TDP1: variants seen among roughly 807,000 people sequenced by gnomAD.
TDP1 encodes the protein tyrosyl-DNA phosphodiesterase 1.
Under a neutral mutation model 81.5 loss-of-function variants are expected in TDP1, and 64 were observed. The observed-to-expected ratio is 0.79, with a 90% CI of 0.64 to 0.97. The LOEUF is 0.97. TDP1 is among the 50% of genes least tolerant of loss of function. TDP1 has a pLI of 0.00. For synonymous variants in TDP1, 256 were observed against 264.3 expected (o/e 0.97, Z 0.30); for missense variants, 723 against 743.8 (o/e 0.97, Z 0.33).
chr14:90,024,855 C>A (rs747858214), intron 15 of TDP1, among the ~76,000 whole-genome samples: 5 of 152,142 alleles, frequency 3.3e-5, no homozygotes, highest in African/African-American at 1.2e-4. Context: ...TGTTCAGTAC[C>A]AGCAAGACAT....
At chr14:89,974,013 A>C (rs1343020825) in intron 6 of TDP1, among the ~76,000 whole-genome samples, 1 of 152,118 alleles carries the variant, frequency 6.6e-6, no homozygotes, top group East Asian at 1.9e-4. Context: ...GACCTCATTT[A>C]ACCTTAATTA....
At chr14:90,042,561 A>AG in intron 16 of TDP1, among the ~76,000 whole-genome samples, 1 of 152,196 alleles carries the variant, frequency 6.6e-6, no homozygotes, top group Non-Finnish European at 1.5e-5. Flanking sequence ...TTATAAAGGA[A>AG]AGAGGTTTAA....
intron 5 of TDP1, among the ~76,000 whole-genome samples, chr14:89,967,780 G>A (rs762557985): frequency 2.6e-5 from 4 of 152,226 alleles, no homozygotes; most frequent in South Asian, 2.1e-4. Flanking sequence ...CATGCTTTCC[G>A]TAGCACATCA....
At chr14:90,007,458 T>C (rs2140206652) in intron 14 of TDP1, among the ~76,000 whole-genome samples, 1 of 151,966 alleles carries the variant, frequency 6.6e-6, no homozygotes, top group South Asian at 2.1e-4. Context: ...GCATGGTAGC[T>C]CACACCTGTA....
rs757306104 is a variant in TDP1 at position 89,975,835 on chromosome 14, T to C, written c.791+20T>C. The C allele has an allele frequency of 1.2e-6, 2 of 1,600,978 alleles. No individual in the cohort carries two copies. Among genetic ancestry groups the C allele is most frequent in the Admixed American group, 3.3e-5 (2 of 60,008 alleles). On this transcript the variant is annotated intron_variant, in intron 7 of 16. Coordinates refer to ENST00000335725, the MANE Select transcript of TDP1 (RefSeq NM_018319.4). The stretch of plus-strand genomic sequence containing the variant: ...CCACACGTAAGCACTTTTTGTGAAA[T>C]AGGGGAACCCCTCAAGCATTGTCAT...
Position 89,994,921 on chromosome 14 carries a change from A to C in TDP1, c.1541+1438A>C, listed in dbSNP as rs34399210. ...TCTGAGTGATTCCATGAGGCTATGTAAAAGGAAACACAGGTTCAGATACCT... is the reference window on the plus strand; with the variant it reads ...TCTGAGTGATTCCATGAGGCTATGTCAAAGGAAACACAGGTTCAGATACCT... On this transcript the variant is annotated intron_variant, in intron 14 of 16. Coordinates refer to ENST00000335725, the MANE Select transcript of TDP1 (RefSeq NM_018319.4). Among the ~76,000 whole-genome samples the C allele has an allele frequency of 1.1e-3, 163 of 152,368 alleles. 1 individual carries two copies. Among genetic ancestry groups the C allele is most frequent in the African/African-American group, 3.8e-3 (157 of 41,598 alleles).
chr14:89,961,458 G>A (rs1024858190), intron 2 of TDP1, among the ~76,000 whole-genome samples: 6 of 152,354 alleles, frequency 3.9e-5, no homozygotes, highest in Non-Finnish European at 7.3e-5. Flanking sequence ...GAACCTTGTG[G>A]AAGGTAGAAC....
chr14:90,037,499 A>C (rs983638694), intron 16 of TDP1, among the ~76,000 whole-genome samples: 1 of 152,204 alleles, frequency 6.6e-6, no homozygotes, highest in Admixed American at 6.5e-5. Flanking sequence ...ATGAGTACTT[A>C]TATAGTATTT....
rs1414321642 is a variant in TDP1 at position 89,989,737 on chromosome 14, T to C, written c.1338T>C (p.Asn446=). Residue 446 remains asparagine (N), a synonymous_variant, in exon 12 of 17, where the codon AAT becomes AAC. Transcript: ENST00000335725. The part of the protein sequence containing the change: ...PLYLIYPSVE[N]VRTSLEGYPA... ...TTTAGATCTATCCTTCTGTGGAAAATGTGCGGACCAGTTTAGAAGGATATC... is the reference window on the plus strand; with the variant it reads ...TTTAGATCTATCCTTCTGTGGAAAACGTGCGGACCAGTTTAGAAGGATATC... 1 of 1,611,740 alleles carries C rather than the reference T, an allele frequency of 6.2e-7. No individual in the cohort carries two copies. The highest frequency in any genetic ancestry group is 1.1e-5 in the South Asian group (1 of 91,024).
chr14:90,000,640 C>T (rs996094129), intron 14 of TDP1, among the ~76,000 whole-genome samples: 6 of 152,138 alleles, frequency 3.9e-5, no homozygotes, highest in Non-Finnish European at 8.8e-5. Context: ...CCACCTCGGC[C>T]CCCCAAAGTG....
rs186356184 is a variant in TDP1, at chr14:90,022,760, G to A, written c.1644+3342G>A. 2.2e-4 allele frequency: 214 copies of A among 985,408 alleles called. 1 individual carries two copies. In the African/African-American group the frequency reaches 3.5e-3, roughly 16 times the overall value. The allele number at this position is 985,408 out of a possible 1,614,324, so 61.0% of individuals were successfully genotyped here. On this transcript the variant is annotated intron_variant, in intron 15 of 16. Transcript: ENST00000335725. The stretch of plus-strand genomic sequence containing the variant: ...GCTTCTGGAAAAAAAGTAGACCTTT[G>A]CTTGGCCTTCACAAAATTAACATTG...
chr14:90,038,012 G>A (rs34274169), intron 16 of TDP1, among the ~76,000 whole-genome samples: 14,973 of 152,008 alleles, frequency 0.099, 1,690 homozygotes, highest in African/African-American at 0.27. Context: ...AATTAGACCC[G>A]GGTTATGTAC....
At position 89,964,859 on chromosome 14, in the gene TDP1, T is replaced by C. The variant is rs184131123; in HGVS notation, c.559+1186T>C. 5 of 449,110 alleles carry C rather than the reference T, an allele frequency of 1.1e-5. No homozygotes were observed. In the East Asian group the frequency reaches 2.9e-4, roughly 26 times the overall value. 27.8% of individuals were successfully genotyped at this position (449,110 alleles called of 1,614,324 possible). A position where few individuals can be genotyped will look rare whatever the true frequency, so the allele number is the denominator to read the frequency against. On this transcript the variant is annotated intron_variant, in intron 3 of 16. Coordinates refer to ENST00000335725, the MANE Select transcript of TDP1 (RefSeq NM_018319.4). The stretch of plus-strand genomic sequence containing the variant: ...TCTCCTTTAATCCTCAGGACAGTCT[T>C]ATGAGTAGATGTTACAATCGTATTC...
intron 5 of TDP1, 151 bp from the exon 6 acceptor site, chr14:89,971,024 C>T (rs377201423): frequency 9.3e-6 from 6 of 645,146 alleles, no homozygotes; most frequent in East Asian, 6.6e-5. Flanking sequence ...TTAGTAGAGA[C>T]GGGGTTTCAC....
intron 7 of TDP1, 165 bp from the exon 8 acceptor site, chr14:89,980,375 A>T (rs1170118444): frequency 1.1e-6 from 1 of 933,702 alleles, no homozygotes; most frequent in Admixed American, 6.2e-5. Flanking sequence ...ACTTAGGCAG[A>T]CTTTCATCAT....
In TDP1 at chr14:89,966,167, G is replaced by C; in HGVS notation, c.580G>C (p.Gly194Arg). 6.2e-7 allele frequency: 1 copy of C among 1,606,620 alleles called. No individual in the cohort carries two copies. The highest frequency in any genetic ancestry group is 1.3e-5 in the African/African-American group (1 of 74,870). Residue 194 changes from glycine to arginine, a missense_variant, in exon 4 of 17, where the codon GGG (glycine) becomes CGG (arginine). By Grantham distance (125) the Gly-to-Arg change is moderately radical. Coordinates refer to ENST00000335725, the MANE Select transcript of TDP1 (RefSeq NM_018319.4). ...HIKDILSPLFGTLVSSAQFNY... is the reference protein window; with the variant it reads ...HIKDILSPLFRTLVSSAQFNY... The stretch of plus-strand genomic sequence containing the variant: ...CTCAGATATTTTATCTCCTTTATTT[G>C]GGACGCTTGTTTCTTCAGCTCAGGT...
At chr14:90,038,534 T>C (rs376166981) in intron 16 of TDP1, among the ~76,000 whole-genome samples, 1 of 152,194 alleles carries the variant, frequency 6.6e-6, no homozygotes, top group East Asian at 1.9e-4. Context: ...ACAAAAGGTA[T>C]ATTGCTTTAA....
At chr14:90,038,667 G>A (rs1298444783) in intron 16 of TDP1, among the ~76,000 whole-genome samples, 1 of 152,038 alleles carries the variant, frequency 6.6e-6, no homozygotes, top group Non-Finnish European at 1.5e-5. Flanking sequence ...GTGAAACCCT[G>A]TCTCTACTAA....
chr14:89,971,046 G>T, intron 5 of TDP1, 129 bp from the exon 6 acceptor site: 1 of 738,988 alleles, frequency 1.4e-6, no homozygotes, highest in South Asian at 1.5e-5. Context: ...ATGTTGGCCA[G>T]TCTGGTCTCG....
Sources: allele counts gnomAD v4.1 joint callset (sites outside exome capture counted in the v4.1 genomes callset), GRCh38; gene constraint gnomAD v4.1.1; transcripts MANE v1.5; gene names NCBI Gene and HGNC (gene_info 2026-07-23, HGNC 2026-07-21).